Variants in ACTR10 observed in about 807,000 individuals in gnomAD.
ACTR10 encodes the protein actin related protein 10, also known as actin-related protein 10.
In ACTR10, 43 loss-of-function variants were observed where a neutral mutation model predicts 56.2. The ratio of observed to expected loss-of-function variants is 0.77; its 90% confidence interval spans 0.60 to 0.99. The LOEUF is 0.99. ACTR10 is among the 50% of genes least tolerant of loss of function. The pLI, the probability that ACTR10 is intolerant of heterozygous loss-of-function variation, is 0.00. For synonymous variants in ACTR10, 170 were observed against 176.3 expected, an observed-to-expected ratio of 0.96 and a Z score of 0.28; for missense variants, 466 against 507.8, an observed-to-expected ratio of 0.92 and a Z score of 0.79.
chr14:58,223,672 G>T lies in ACTR10; in HGVS notation c.685G>T (p.Ala229Ser), dbSNP rs755890620. 1.3e-5 allele frequency: 21 copies of T among 1,611,932 alleles called. No individual in the cohort carries two copies. Among genetic ancestry groups the T allele is most frequent in the East Asian group, 1.1e-4 (5 of 44,816 alleles). ...DLKRGLKIQA[A>S]KFNIDGNNER... The stretch of plus-strand genomic sequence containing the variant: ...GAAGCGAGGACTAAAAATCCAAGCA[G>T]CAAAATTTAATATTGATGGGAATAA... Residue 229 changes from alanine to serine, a missense_variant, in exon 9 of 13, where the codon GCA (alanine) becomes TCA (serine). Coordinates refer to ENST00000254286, the MANE Select transcript of ACTR10 (RefSeq NM_018477.3).
intron 10 of ACTR10, among the ~76,000 whole-genome samples, chr14:58,229,597 G>A (rs1889482314): frequency 6.6e-6 from 1 of 150,456 alleles, no homozygotes; most frequent in Non-Finnish European, 1.5e-5. Flanking sequence ...AGAATGGCGT[G>A]AATCCAGGAG....
chr14:58,219,684 T>C lies in ACTR10; in HGVS notation c.599-10T>C. On this transcript the variant is annotated splice_polypyrimidine_tract_variant and intron_variant, in intron 7 of 12. Coordinates refer to ENST00000254286, the MANE Select transcript of ACTR10 (RefSeq NM_018477.3). ...AAGTTTTATAATTCTAAATGAAATA[T>C]TTGTTTTAGGTTCAGTTCCGGAAGG... The C allele has an allele frequency of 6.8e-7, 1 of 1,466,556 alleles. No individual in the cohort carries two copies. Among genetic ancestry groups the C allele is most frequent in the South Asian group, 1.4e-5 (1 of 71,464 alleles). The allele number at this position is 1,466,556 out of a possible 1,614,324, so 90.8% of individuals were successfully genotyped here.
At chr14:58,220,105 C>A (rs1219935951) in intron 8 of ACTR10, among the ~76,000 whole-genome samples, 1 of 152,116 alleles carries the variant, frequency 6.6e-6, no homozygotes, top group Non-Finnish European at 1.5e-5. Context: ...GGAATTGTGA[C>A]CAAAGTACTA....
intron 8 of ACTR10, among the ~76,000 whole-genome samples, chr14:58,221,058 C>T (rs750554906): frequency 2.7e-4 from 40 of 146,602 alleles, no homozygotes; most frequent in South Asian, 4.4e-4. Context: ...CCGAGGTGGG[C>T]GGATCACGAG....
intron 10 of ACTR10, among the ~76,000 whole-genome samples, chr14:58,229,842 A>T (rs1026162676): frequency 1.3e-5 from 2 of 151,956 alleles, no homozygotes; most frequent in African/African-American, 4.8e-5. Context: ...TTTTTAAAAA[A>T]ATATGGAACT....
chr14:58,202,965 C>G (rs1888763423), intron 2 of ACTR10, 38 bp downstream of exon 2: 1 of 1,325,056 alleles, frequency 7.5e-7, no homozygotes, highest in Non-Finnish European at 1.1e-6. Context: ...AAATGCCATA[C>G]TATAAAATGT....
At chr14:58,214,342 G>A (rs887757197) in intron 6 of ACTR10, among the ~76,000 whole-genome samples, 10 of 151,594 alleles carry the variant, frequency 6.6e-5, no homozygotes, top group Admixed American at 2.6e-4. Flanking sequence ...GCAAATGACT[G>A]GATCTCATTC....
At chr14:58,200,849 G>C (rs1182378760) in intron 1 of ACTR10, among the ~76,000 whole-genome samples, 3 of 152,200 alleles carry the variant, frequency 2.0e-5, no homozygotes, top group Non-Finnish European at 4.4e-5. Flanking sequence ...GGTTAGATTT[G>C]ACATGTTTTA....
intron 5 of ACTR10, among the ~76,000 whole-genome samples, chr14:58,212,758 T>C (rs982161757): frequency 6.6e-6 from 1 of 152,118 alleles, no homozygotes; most frequent in African/African-American, 2.4e-5. Context: ...AAACCCACAG[T>C]AAATATTGTT....
In ACTR10 at chr14:58,228,273, A is replaced by T. The variant is rs1270791555; in HGVS notation, c.789-2126A>T. On this transcript the variant is annotated intron_variant, in intron 10 of 12. Coordinates refer to ENST00000254286, the MANE Select transcript of ACTR10 (RefSeq NM_018477.3). Reference sequence around the variant, plus strand: ...GTTGTAGCTACCACGTTTTTGTTTCAAGCAAGTAGTCCTAAGAAGGGAAAG... The same window carrying T: ...GTTGTAGCTACCACGTTTTTGTTTCTAGCAAGTAGTCCTAAGAAGGGAAAG... Among the ~76,000 whole-genome samples, 3 of 152,154 alleles carry T rather than the reference A, an allele frequency of 2.0e-5. No homozygotes were observed. The East Asian group carries it at 5.8e-4, about 29-fold the overall frequency.
intron 12 of ACTR10, 102 bp downstream of exon 12, chr14:58,232,369 GCCCACTTTATAAATAGAACT>G: frequency 3.1e-6 from 2 of 651,744 alleles, no homozygotes; most frequent in Non-Finnish European, 4.7e-6. Flanking sequence ...GTTCAGAATT[GCCCACTTTATAAATAGAACT>G]AACACTGACT....
intron 12 of ACTR10, among the ~76,000 whole-genome samples, chr14:58,233,491 T>C (rs186445026): frequency 4.6e-5 from 7 of 152,308 alleles, no homozygotes; most frequent in Admixed American, 4.6e-4. Context: ...AAAAGATACA[T>C]CATGAATGTA....
intron 8 of ACTR10, among the ~76,000 whole-genome samples, chr14:58,222,923 G>T (rs1889310323): frequency 1.3e-5 from 2 of 151,928 alleles, no homozygotes. Context: ...AGAAAATCTG[G>T]TTTAAAGAAA....
At chr14:58,211,715 A>G (rs1889000428) in intron 5 of ACTR10, among the ~76,000 whole-genome samples, 1 of 152,198 alleles carries the variant, frequency 6.6e-6, no homozygotes. Context: ...TACAAAGAGT[A>G]ATTGGAGAAA....
intron 10 of ACTR10, among the ~76,000 whole-genome samples, chr14:58,224,401 CCAT>C (rs1279267950): frequency 6.6e-6 from 1 of 152,088 alleles, no homozygotes; most frequent in Non-Finnish European, 1.5e-5. Flanking sequence ...TTAGCCACCA[CCAT>C]GACTGGCTAA....
At chr14:58,234,324 G>A in intron 12 of ACTR10, 46 bp from the exon 13 acceptor site, 2 of 1,495,852 alleles carry the variant, frequency 1.3e-6, no homozygotes, top group Non-Finnish European at 1.8e-6. Flanking sequence ...AAAGTTTTCT[G>A]GTAAAAGTTT....
At chr14:58,219,072 G>A (rs975473486) in intron 7 of ACTR10, among the ~76,000 whole-genome samples, 10 of 152,196 alleles carry the variant, frequency 6.6e-5, no homozygotes, top group African/African-American at 2.4e-4. Context: ...GGCCCACCTT[G>A]GCCTTCCATA....
chr14:58,207,819 A>AATACAGATT (rs1433431530), intron 2 of ACTR10, 117 bp from the exon 3 acceptor site: 1 of 564,190 alleles, frequency 1.8e-6, no homozygotes, highest in Admixed American at 4.5e-5. Flanking sequence ...TTATATTCTC[A>AATACAGATT]ATACAGATTG....
intron 7 of ACTR10, among the ~76,000 whole-genome samples, chr14:58,217,214 C>T (rs1016993015): frequency 6.6e-5 from 10 of 152,230 alleles, no homozygotes; most frequent in African/African-American, 9.6e-5. Flanking sequence ...AAATTATAAA[C>T]GATACATTCT....
Sources: gnomAD v4.1 joint callset for allele counts (sites outside exome capture counted in the v4.1 genomes callset) on GRCh38, gnomAD v4.1.1 for gene constraint, MANE v1.5 for transcripts, NCBI Gene and HGNC (gene_info 2026-07-23, HGNC 2026-07-21) for gene names.